The following PBX1 variants were observed in gnomAD, a reference collection of about 807,000 sequenced individuals.
PBX1 encodes PBX homeobox 1.
Under a neutral mutation model 53.4 loss-of-function variants are expected in PBX1, and 6 were observed. The observed-to-expected ratio is 0.11, with a 90% confidence interval of 0.06 to 0.22. The LOEUF is 0.22. Among genes scored for constraint, PBX1 ranks in the 10% least tolerant of loss-of-function variants. The pLI is 1.00. For synonymous variants in PBX1, 204 were observed against 212.3 expected (o/e 0.96, Z 0.34); for missense variants, 251 against 551.4 (o/e 0.46, Z 5.46).
At chr1:164,701,811 C>T (rs1310737855) in intron 2 of PBX1, among the ~76,000 whole-genome samples, 1 of 152,134 alleles carries the variant, frequency 6.6e-6, no homozygotes, top group Non-Finnish European at 1.5e-5. Flanking sequence ...GTGTCATTTT[C>T]TATCTCTGTA....
At chr1:164,594,275 A>G (rs1358021926) in intron 2 of PBX1, among the ~76,000 whole-genome samples, 1 of 152,150 alleles carries the variant, frequency 6.6e-6, no homozygotes, top group Non-Finnish European at 1.5e-5. Context: ...CATTTAGTAC[A>G]GCACTGAGAA....
chr1:164,793,872 C>CTTTTTTTTTTTTTTTTTTTTTT (rs72414989), intron 3 of PBX1, among the ~76,000 whole-genome samples: 6 of 78,216 alleles, frequency 7.7e-5, no homozygotes, highest in Non-Finnish European at 1.2e-4. Context: ...TTTTTCCTTT[C>CTTTTTTTTTTTTTTTTTTTTTT]TTTTTTTTTT....
chr1:164,591,639 C>G (rs1655389667), intron 2 of PBX1, among the ~76,000 whole-genome samples: 1 of 152,164 alleles, frequency 6.6e-6, no homozygotes, highest in Non-Finnish European at 1.5e-5. Flanking sequence ...CTTGGCAGTG[C>G]TTTTATTGAT....
intron 2 of PBX1, among the ~76,000 whole-genome samples, chr1:164,609,606 G>A (rs1656777578): frequency 2.6e-5 from 4 of 151,974 alleles, no homozygotes; most frequent in East Asian, 1.9e-4. Context: ...TGAGATTCTC[G>A]GCTTCTTCTA....
Position 164,849,335 on chromosome 1 carries a change from C to T in PBX1, c.*2659C>T, listed in dbSNP as rs1671717024. 3 of 1,535,664 alleles carry T rather than the reference C, an allele frequency of 2.0e-6. No individual in the cohort carries two copies. The highest frequency in any genetic ancestry group is 2.6e-6 in the Non-Finnish European group (3 of 1,146,788). On this transcript the variant is annotated 3_prime_UTR_variant, in exon 9 of 9. Coordinates refer to ENST00000420696, the MANE Select transcript of PBX1 (RefSeq NM_002585.4). ...AGCATTTCACTTAGTCTTCTCTATA[C>T]CCAGCACCTCCCCCGGCACCCCCGG...
intron 3 of PBX1, among the ~76,000 whole-genome samples, chr1:164,795,547 T>C (rs924385589): frequency 6.6e-6 from 1 of 152,238 alleles, no homozygotes; most frequent in Non-Finnish European, 1.5e-5. Flanking sequence ...TTTATTATTT[T>C]TAAAAGTACT....
intron 1 of PBX1, among the ~76,000 whole-genome samples, chr1:164,561,890 T>G (rs1242707095): frequency 1.3e-5 from 2 of 152,004 alleles, no homozygotes; most frequent in African/African-American, 4.8e-5. Context: ...ATAATAGAAT[T>G]AATTAAAACT....
At chr1:164,682,016 A>G (rs1661804198) in intron 2 of PBX1, 1 of 152,212 alleles carries the variant, frequency 6.6e-6, no homozygotes, top group Non-Finnish European at 1.5e-5. Flanking sequence ...AGCACCTTTA[A>G]GTATTTCTGT....
Position 164,574,121 on chromosome 1 carries a change from A to C in PBX1, c.265+10810A>C, listed in dbSNP as rs1179278174. ...GAAGCCGGGATGGGGTGGTTCCCCC[A>C]CCTCCTTCTCTGTGTTTTTTGCTTC... On this transcript the variant is annotated intron_variant, in intron 2 of 8. Transcript: ENST00000420696. 2.6e-5 allele frequency among the ~76,000 whole-genome samples: 4 copies of C among 151,940 alleles called. No individual in the cohort carries two copies. The East Asian group carries it at 7.7e-4, about 29-fold the overall frequency.
At chr1:164,873,429 TA>T (rs1278918180) in intron 2 of PBX1, among the ~76,000 whole-genome samples, 1 of 152,252 alleles carries the variant, frequency 6.6e-6, no homozygotes, top group African/African-American at 2.4e-5. Context: ...TACCAAGTAG[TA>T]AATAATGTGA....
At chr1:164,570,365 C>T (rs951018207) in intron 2 of PBX1, among the ~76,000 whole-genome samples, 16 of 152,124 alleles carry the variant, frequency 1.1e-4, no homozygotes, top group Admixed American at 3.9e-4. Context: ...CCTTGTCCCC[C>T]ACCCCCTGAC....
In PBX1 at chr1:164,847,220, C is replaced by A; in HGVS notation, c.*544C>A. 1 of 1,074,148 alleles carries A rather than the reference C, an allele frequency of 9.3e-7. No individual in the cohort carries two copies. Among genetic ancestry groups the A allele is most frequent in the Non-Finnish European group, 1.1e-6 (1 of 883,772 alleles). The allele number at this position is 1,074,148 out of a possible 1,614,324, so 66.5% of individuals were successfully genotyped here. ...GCCCTATTCATTCCAGGCCTCCCTG[C>A]TTCCTCTTGCTCTTCCTCCCTGGGG... On this transcript the variant is annotated 3_prime_UTR_variant, in exon 9 of 9. Coordinates refer to ENST00000420696, the MANE Select transcript of PBX1 (RefSeq NM_002585.4).
At chr1:164,586,236 C>T (rs915665534) in intron 2 of PBX1, among the ~76,000 whole-genome samples, 2 of 152,198 alleles carry the variant, frequency 1.3e-5, no homozygotes, top group Non-Finnish European at 2.9e-5. Flanking sequence ...GGGGTGTGTA[C>T]TATCTGCAGA....
chr1:164,700,052 A>G (rs1663026373), intron 2 of PBX1, among the ~76,000 whole-genome samples: 1 of 152,176 alleles, frequency 6.6e-6, no homozygotes, highest in African/African-American at 2.4e-5. Context: ...GAATGAGGTA[A>G]TGTGGCGGGA....
intron 8 of PBX1, among the ~76,000 whole-genome samples, chr1:164,841,908 G>T (rs1403171708): frequency 6.6e-6 from 1 of 152,130 alleles, no homozygotes; most frequent in Non-Finnish European, 1.5e-5. Context: ...ATGGCATCTG[G>T]CCCATATGCA....
intron 2 of PBX1, among the ~76,000 whole-genome samples, chr1:164,687,469 G>A (rs1410640340): frequency 6.6e-6 from 1 of 151,082 alleles, no homozygotes; most frequent in Admixed American, 6.6e-5. Flanking sequence ...GGCTGAGATG[G>A]GAGGATCCAC....
chr1:164,644,476 G>A (rs1051456604), intron 2 of PBX1, among the ~76,000 whole-genome samples: 4 of 151,892 alleles, frequency 2.6e-5, no homozygotes, highest in Middle Eastern at 3.2e-3. Flanking sequence ...GCCACCCTTC[G>A]CTTACAAAAT....
At chr1:164,818,559 T>TTGTTTTATTTA (rs1471793477) in intron 6 of PBX1, 5 of 152,198 alleles carry the variant, frequency 3.3e-5, no homozygotes, top group Admixed American at 2.6e-4. Flanking sequence ...AGGTGGAGGA[T>TTGTTTTATTTA]TGTTTTATTT....
rs775668251 is a variant in PBX1, at chr1:164,821,639, GC to G, written c.1200+20del. The G allele has an allele frequency of 1.9e-6, 3 of 1,600,296 alleles. No individual in the cohort carries two copies. The highest frequency in any genetic ancestry group is 1.1e-5 in the South Asian group (1 of 90,800). Reference sequence around the variant, plus strand: ...GCAGGGCATCAGTGTAAGAAAACAAGCCCCCCCACCCCCTGCTTTGTTTTTA... The same window carrying G: ...GCAGGGCATCAGTGTAAGAAAACAAGCCCCCCACCCCCTGCTTTGTTTTTA... On this transcript the variant is annotated intron_variant, in intron 8 of 8. Transcript: ENST00000420696.
Sources: gnomAD v4.1 joint callset for allele counts (sites outside exome capture counted in the v4.1 genomes callset) on GRCh38, gnomAD v4.1.1 for gene constraint, MANE v1.5 for transcripts, NCBI Gene and HGNC (gene_info 2026-07-23, HGNC 2026-07-21) for gene names.